Variants in SMYD3 observed in about 807,000 individuals in gnomAD.
SMYD3 encodes the protein SET and MYND domain containing 3, also known as histone-lysine N-methyltransferase SMYD3.
A neutral mutation model predicts 57.7 loss-of-function variants in SMYD3; 36 were observed. The observed-to-expected ratio is 0.62, with a 90% CI of 0.48 to 0.82. The LOEUF is 0.82. SMYD3 is among the 40% of genes least tolerant of loss of function. The pLI is 0.00. For missense variants in SMYD3, 515 were observed against 538.8 expected (o/e 0.96, Z 0.44); for synonymous variants, 211 against 195.0 (o/e 1.08, Z -0.68).
intron 8 of SMYD3, among the ~76,000 whole-genome samples, chr1:245,901,270 C>G (rs910222509): frequency 1.3e-5 from 2 of 152,252 alleles, no homozygotes; most frequent in Non-Finnish European, 2.9e-5. Flanking sequence ...TATCTCTGAA[C>G]CTTTCCGAGT....
chr1:245,814,480 G>T (rs1429895907), intron 10 of SMYD3: 23 of 785,530 alleles, frequency 2.9e-5, no homozygotes, highest in Non-Finnish European at 3.5e-5. Context: ...AAAATAAAAA[G>T]AATGCTACTG....
At chr1:246,387,188 G>A (rs1254376016) in intron 1 of SMYD3, among the ~76,000 whole-genome samples, 3 of 152,130 alleles carry the variant, frequency 2.0e-5, no homozygotes, top group Admixed American at 6.6e-5. Flanking sequence ...ATGAGGCAAC[G>A]TACTTAGCAT....
chr1:246,190,568 G>C (rs191977886), intron 5 of SMYD3, among the ~76,000 whole-genome samples: 73 of 107,426 alleles, frequency 6.8e-4, no homozygotes, highest in African/African-American at 2.5e-3. Flanking sequence ...CTAGGTGACA[G>C]AGTAAGACTC....
intron 5 of SMYD3, among the ~76,000 whole-genome samples, chr1:246,273,137 T>A (rs1414653287): frequency 8.3e-6 from 1 of 119,982 alleles, no homozygotes; most frequent in Middle Eastern, 3.9e-3. Context: ...CCTGTTTTCT[T>A]TTTTTTTTTT....
At position 245,928,605 on chromosome 1, in the gene SMYD3, C is replaced by T. The variant is rs1184331832; in HGVS notation, c.600-572G>A. Among the ~76,000 whole-genome samples, 4 of 151,866 alleles carry T rather than the reference C, an allele frequency of 2.6e-5. No homozygotes were observed. The South Asian group carries it at 8.3e-4, about 32-fold the overall frequency. On this transcript the variant is annotated intron_variant, in intron 6 of 11. Coordinates refer to ENST00000490107, the MANE Select transcript of SMYD3 (RefSeq NM_001167740.2). Reference sequence around the variant, plus strand: ...AGGAGAATCGCTTGAACCCAGGAGGCGGAGGTTGCAGTGAGCCGAGATCGC... The same window carrying T: ...AGGAGAATCGCTTGAACCCAGGAGGTGGAGGTTGCAGTGAGCCGAGATCGC...
At chr1:246,390,266 T>C (rs1380627658) in intron 1 of SMYD3, among the ~76,000 whole-genome samples, 1 of 139,242 alleles carries the variant, frequency 7.2e-6, no homozygotes, top group Non-Finnish European at 1.6e-5. Context: ...GAAGGAATAC[T>C]GGAAATTGTT....
At chr1:246,417,640 A>G (rs1040615775) in intron 1 of SMYD3, among the ~76,000 whole-genome samples, 20 of 152,290 alleles carry the variant, frequency 1.3e-4, no homozygotes, top group East Asian at 5.8e-4. Flanking sequence ...GGTCTGAAAA[A>G]TATCTCAAAA....
rs558229737 is a variant in SMYD3 at position 246,118,809 on chromosome 1, G to A, written c.532-188872C>T. Among the ~76,000 whole-genome samples the A allele has an allele frequency of 5.0e-3, 423 of 84,476 alleles. 2 individuals are homozygous for A. The highest frequency in any genetic ancestry group is 0.022 in the Middle Eastern group (4 of 184). 55.4% of individuals were successfully genotyped at this position (84,476 alleles called of 152,430 possible). On this transcript the variant is annotated intron_variant, in intron 5 of 11. Coordinates refer to ENST00000490107, the MANE Select transcript of SMYD3 (RefSeq NM_001167740.2). ...CTTAAACTTAAAAGGTATGAGGCAC[G>A]TGCTTTTTTTTTTTTTTTGGCTCTT... is the stretch of plus-strand genomic sequence containing the variant.
rs371992931 is a variant in SMYD3 at position 245,802,108 on chromosome 1, A to G, written c.1077-37959T>C. ...TTAGGAATGCGTAAACAACATTGTC[A>G]CCAATGTATTCCACTGAGTTCTATT... On this transcript the variant is annotated intron_variant, in intron 10 of 11. Transcript: ENST00000490107. Among the ~76,000 whole-genome samples the G allele has an allele frequency of 7.2e-5, 11 of 152,350 alleles. No homozygotes were observed. The South Asian group carries it at 2.1e-3, about 29-fold the overall frequency.
intron 5 of SMYD3, among the ~76,000 whole-genome samples, chr1:246,108,006 C>G (rs1266263561): frequency 5.3e-5 from 8 of 152,246 alleles, no homozygotes; most frequent in Non-Finnish European, 8.8e-5. Context: ...AGAGCAAAAT[C>G]TAAGATAGGT....
chr1:245,944,277 G>A (rs1572755534), intron 5 of SMYD3, among the ~76,000 whole-genome samples: 1 of 152,008 alleles, frequency 6.6e-6, no homozygotes, highest in African/African-American at 2.4e-5. Flanking sequence ...AAGCTGATGA[G>A]CAACTTCAGC....
At chr1:245,927,659 C>T (rs1005539832) in intron 7 of SMYD3, among the ~76,000 whole-genome samples, 1 of 152,188 alleles carries the variant, frequency 6.6e-6, no homozygotes, top group African/African-American at 2.4e-5. Context: ...CACCCTCTGT[C>T]ATACACAAAC....
intron 1 of SMYD3, among the ~76,000 whole-genome samples, chr1:246,478,416 T>C (rs2068056378): frequency 6.7e-6 from 1 of 149,100 alleles, no homozygotes. Context: ...CTGTCCTCTG[T>C]CCTGGAGCTG....
At chr1:246,060,196 G>A (rs1159783596) in intron 5 of SMYD3, among the ~76,000 whole-genome samples, 1 of 152,122 alleles carries the variant, frequency 6.6e-6, no homozygotes, top group Non-Finnish European at 1.5e-5. Flanking sequence ...GCTGAGATGG[G>A]AGGATGGCTT....
chr1:246,174,379 T>C (rs1055401236), intron 5 of SMYD3, among the ~76,000 whole-genome samples: 6 of 152,184 alleles, frequency 3.9e-5, no homozygotes, highest in African/African-American at 1.4e-4. Context: ...GGGACCAGCA[T>C]TGTATACACA....
chr1:245,883,641 G>A (rs554027166), intron 8 of SMYD3, among the ~76,000 whole-genome samples: 8 of 152,192 alleles, frequency 5.3e-5, no homozygotes, highest in African/African-American at 1.9e-4. Context: ...GCTCTTCACT[G>A]TCCTTCATGG....
chr1:245,908,265 T>G (rs202072354), intron 8 of SMYD3, among the ~76,000 whole-genome samples: 1 of 1,626 alleles, frequency 6.2e-4, no homozygotes, highest in Non-Finnish European at 0.019. Flanking sequence ...CAAAAGGTCA[T>G]TAAAAATGAT....
At chr1:246,361,077 T>C (rs535356683) in intron 1 of SMYD3, among the ~76,000 whole-genome samples, 1 of 152,264 alleles carries the variant, frequency 6.6e-6, no homozygotes, top group South Asian at 2.1e-4. Context: ...ATCCAGAATC[T>C]ACAAAGAACT....
chr1:246,390,318 A>T (rs1046894388), intron 1 of SMYD3, among the ~76,000 whole-genome samples: 3 of 149,706 alleles, frequency 2.0e-5, no homozygotes, highest in Admixed American at 6.8e-5. Context: ...TATATACTGT[A>T]TTTTTAATTT....
Sources: allele counts gnomAD v4.1 joint callset (sites outside exome capture counted in the v4.1 genomes callset), GRCh38; gene constraint gnomAD v4.1.1; transcripts MANE v1.5; gene names NCBI Gene and HGNC (gene_info 2026-07-23, HGNC 2026-07-21).